Variants in SLC8A2 observed in about 807,000 individuals in gnomAD.
SLC8A2 encodes sodium/calcium exchanger 2.
In SLC8A2, 14 loss-of-function variants were observed where a neutral mutation model predicts 70.2. The observed-to-expected ratio is 0.20, with a 90% CI of 0.13 to 0.31. SLC8A2 has a LOEUF of 0.31. Ranked by LOEUF, SLC8A2 falls within the 10% of genes least tolerant of loss-of-function variation. The pLI is 1.00. For missense variants in SLC8A2, 779 were observed against 1,320.1 expected (o/e 0.59, Z 6.35); for synonymous variants, 575 against 594.3 (o/e 0.97, Z 0.47).
At position 47,468,566 on chromosome 19, in the gene SLC8A2, G is replaced by A. The variant is rs1171052458; in HGVS notation, c.-16-2147C>T. Among the ~76,000 whole-genome samples, 1 of 152,082 alleles carries A rather than the reference G, an allele frequency of 6.6e-6. No homozygotes were observed. Among genetic ancestry groups the A allele is most frequent in the Non-Finnish European group, 1.5e-5 (1 of 67,996 alleles). ...GCCTCCCAAAGTGCTGGGATCACAG[G>A]TGCGTGCCACCGTGCCCCGCCCACT... On this transcript the variant is annotated intron_variant, in intron 1 of 9. Transcript: ENST00000236877. This position sits in a 1 kb window ranked among gnomAD's most constrained non-coding sequence, Gnocchi z 5.1.
rs781158765 is a variant in SLC8A2 at position 47,432,051 on chromosome 19, G to C, written c.2389+116C>G. 1.0e-6 allele frequency: 1 copy of C among 995,134 alleles called. No homozygotes were observed. The highest frequency in any genetic ancestry group is 2.7e-5 in the East Asian group (1 of 37,124). The allele number at this position is 995,134 out of a possible 1,614,324, so 61.6% of individuals were successfully genotyped here. Reference sequence around the variant, plus strand: ...TTATGCCCCACCTCCGTATTTCTCTGAGACCCACCACATGGGCGCTGTGTG... The same window carrying C: ...TTATGCCCCACCTCCGTATTTCTCTCAGACCCACCACATGGGCGCTGTGTG... On this transcript the variant is annotated intron_variant, in intron 9 of 9. Transcript: ENST00000236877. This position sits in a 1 kb window ranked among gnomAD's most constrained non-coding sequence, Gnocchi z 6.2.
At chr19:47,455,826 T>A (rs1359177816) in intron 3 of SLC8A2, among the ~76,000 whole-genome samples, 1 of 152,120 alleles carries the variant, frequency 6.6e-6, no homozygotes, top group Non-Finnish European at 1.5e-5. Flanking sequence ...AACTGTTGAA[T>A]GAGAGAATAT....
In SLC8A2 at chr19:47,430,257, G is replaced by A. The variant is rs1194511568; in HGVS notation, c.2598C>T (p.Ala866=). 10 of 1,612,392 alleles carry A rather than the reference G, an allele frequency of 6.2e-6. No individual in the cohort carries two copies. In the Admixed American group the frequency reaches 1.0e-4, roughly 16 times the overall value. The change falls in exon 10 of 10, where the codon GCC becomes GCT. Residue 866 remains alanine (A), a synonymous_variant. Coordinates refer to ENST00000236877, the MANE Select transcript of SLC8A2 (RefSeq NM_015063.3). This position sits in a 1 kb window ranked among gnomAD's most constrained non-coding sequence, Gnocchi z 5.9. ...AFSVTLFTVF[A]FVGIAVLLYR... is the part of the protein sequence containing the mutation. ...ACAGCAGCACGGCAATGCCCACGAA[G>A]GCGAAGACGGTGAAGAGCGTGACGG...
Position 47,447,604 on chromosome 19 carries a change from G to A in SLC8A2, c.1763+205C>T. 3.5e-6 allele frequency: 2 copies of A among 571,326 alleles called. No individual in the cohort carries two copies. Among genetic ancestry groups the A allele is most frequent in the Non-Finnish European group, 6.0e-6 (2 of 332,746 alleles). 35.4% of individuals were successfully genotyped at this position (571,326 alleles called of 1,614,324 possible). The stretch of plus-strand genomic sequence containing the variant: ...CTCCTCCTGAGGGCCCAGCTGTTCA[G>A]TGAAGCCCCGCCCACGTCGTGGGCA... On this transcript the variant is annotated intron_variant, in intron 4 of 9. Coordinates refer to ENST00000236877, the MANE Select transcript of SLC8A2 (RefSeq NM_015063.3). The surrounding 1 kb of genome is among the most constrained non-coding windows in gnomAD (Gnocchi z 5.1).
At chr19:47,459,725 GTC>G (rs764105087) in intron 2 of SLC8A2, among the ~76,000 whole-genome samples, 3 of 146,552 alleles carry the variant, frequency 2.0e-5, no homozygotes, top group African/African-American at 7.7e-5. Flanking sequence ...ATGTGTGTAC[GTC>G]TGTGTGTGTA....
At chr19:47,452,515 A>C (rs141090892) in intron 3 of SLC8A2, among the ~76,000 whole-genome samples, 3,017 of 106,138 alleles carry the variant, frequency 0.028, 122 homozygotes, top group African/African-American at 0.099. Flanking sequence ...CCAGGCTGGA[A>C]TGCAGTGGCG....
In SLC8A2 at chr19:47,447,869, C is replaced by CCGCG; in HGVS notation, c.1699_1702dup (p.Gly568AlafsTer31). 1 of 1,594,318 alleles carries CCGCG rather than the reference C, an allele frequency of 6.3e-7. No individual in the cohort carries two copies. The highest frequency in any genetic ancestry group is 8.5e-7 in the Non-Finnish European group (1 of 1,174,468). On this transcript the variant is annotated frameshift_variant, in exon 4 of 10. Coordinates refer to ENST00000236877, the MANE Select transcript of SLC8A2 (RefSeq NM_015063.3). LOFTEE classifies it high-confidence loss of function. This position sits in a 1 kb window ranked among gnomAD's most constrained non-coding sequence, Gnocchi z 5.1. ...CGCGTCCTCGTAGTGCACGCCGCCG[C>CCGCG]CGCGCGCCGTGCCGTCCACCGTGCG...
chr19:47,431,409 G>C (rs1354596673), intron 9 of SLC8A2, among the ~76,000 whole-genome samples: 1 of 151,894 alleles, frequency 6.6e-6, no homozygotes, highest in Non-Finnish European at 1.5e-5. Context: ...CCAGCACTTT[G>C]GGAGGCAGAG....
At chr19:47,446,374 A>G (rs1029225810) in intron 4 of SLC8A2, among the ~76,000 whole-genome samples, 8 of 152,158 alleles carry the variant, frequency 5.3e-5, no homozygotes, top group African/African-American at 7.2e-5. Context: ...GGGCGTGAGA[A>G]CAGCCCTGAC....
In SLC8A2 at chr19:47,468,705, C is replaced by T. The variant is rs1311149160; in HGVS notation, c.-16-2286G>A. 6.6e-6 allele frequency among the ~76,000 whole-genome samples: 1 copy of T among 152,170 alleles called. No individual in the cohort carries two copies. The highest frequency in any genetic ancestry group is 1.5e-5 in the Non-Finnish European group (1 of 68,036). On this transcript the variant is annotated intron_variant, in intron 1 of 9. Transcript: ENST00000236877. The surrounding 1 kb of genome is among the most constrained non-coding windows in gnomAD (Gnocchi z 5.1). ...ACACCCTCCCCCTCTGGGGAGCACC[C>T]CTCCATTCCACAGGTGAGAGGACCA...
At position 47,465,269 on chromosome 19, in the gene SLC8A2, C is replaced by A. The variant is rs764732129; in HGVS notation, c.675+460G>T. On this transcript the variant is annotated intron_variant, in intron 2 of 9. Transcript: ENST00000236877. The surrounding 1 kb of genome is among the most constrained non-coding windows in gnomAD (Gnocchi z 5.5). ...ATATGCAAGGGTAGTATGAATTATG[C>A]GAATGGAGGATGTCTTATTGCAAAA... is the stretch of plus-strand genomic sequence containing the variant. Among the ~76,000 whole-genome samples the A allele has an allele frequency of 2.6e-5, 4 of 152,006 alleles. No homozygotes were observed. The highest frequency in any genetic ancestry group is 7.2e-5 in the African/African-American group (3 of 41,390).
intron 8 of SLC8A2, among the ~76,000 whole-genome samples, chr19:47,433,209 C>T (rs1966986008): frequency 1.3e-5 from 2 of 152,116 alleles, no homozygotes; most frequent in Non-Finnish European, 1.5e-5. Flanking sequence ...AAAGCCAGTC[C>T]ACAGCTAGAA....
At position 47,457,339 on chromosome 19, in the gene SLC8A2, T is replaced by C. The variant is rs916161759; in HGVS notation, c.931A>G (p.Ser311Gly). The C allele has an allele frequency of 2.0e-5, 31 of 1,542,168 alleles. No individual in the cohort carries two copies. The highest frequency in any genetic ancestry group is 2.4e-5 in the Non-Finnish European group (28 of 1,144,172). ...AGGATCTGGATGACCTCGCGGCGGC[T>C]GGCGTCCAGCTCGCGCGCCTCGGCG... ...GPAEARELDA[S>G]RREVIQILKD... Residue 311 changes from serine to glycine, a missense_variant, in exon 3 of 10, where the codon AGC becomes GGC. Ser to Gly is a moderately conservative substitution (Grantham distance 56). Transcript: ENST00000236877.
intron 3 of SLC8A2, among the ~76,000 whole-genome samples, chr19:47,455,237 C>T (rs1967291305): frequency 6.6e-6 from 1 of 152,102 alleles, no homozygotes; most frequent in African/African-American, 2.4e-5. Context: ...TGCTTGATGG[C>T]AGAACCAAAG....
intron 8 of SLC8A2, among the ~76,000 whole-genome samples, chr19:47,435,191 C>G (rs1484029125): frequency 6.6e-6 from 1 of 151,932 alleles, no homozygotes; most frequent in Admixed American, 6.6e-5. Context: ...ACACTCCAGC[C>G]TGGATGACAG....
At chr19:47,455,085 GA>G (rs1467407736) in intron 3 of SLC8A2, among the ~76,000 whole-genome samples, 1 of 152,030 alleles carries the variant, frequency 6.6e-6, no homozygotes. Context: ...GAAACTCTGA[GA>G]AAAAGAAGAA....
At chr19:47,457,934 T>G (rs2122644186) in intron 2 of SLC8A2, among the ~76,000 whole-genome samples, 1 of 151,794 alleles carries the variant, frequency 6.6e-6, no homozygotes, top group African/African-American at 2.4e-5. Flanking sequence ...AACCTTGGCC[T>G]CCCGGGTCCC....
In SLC8A2 at chr19:47,437,971, C is replaced by A; in HGVS notation, c.1888G>T (p.Asp630Tyr). 2.5e-6 allele frequency: 4 copies of A among 1,614,104 alleles called. No individual in the cohort carries two copies. Among genetic ancestry groups the A allele is most frequent in the Non-Finnish European group, 3.4e-6 (4 of 1,180,030 alleles). ...TCGGCTGTTAGCTTCCTGTCCCCAT[C>A]CCCTGCAGCATGAGGGGTGGGGGTT... ...GISALLLNQG[D>Y]GDRKLTAEEE... The change falls in exon 7 of 10, where the codon GAT (aspartate) becomes TAT (tyrosine). Residue 630 changes from aspartate (D) to tyrosine (Y), a missense_variant and splice_region_variant. By Grantham distance (160) the Asp-to-Tyr change is radical. Around this residue, in one of 6 missense-constraint regions of SLC8A2, gnomAD observed 247 missense variants for 362.8 expected, o/e 0.68. Coordinates refer to ENST00000236877, the MANE Select transcript of SLC8A2 (RefSeq NM_015063.3).
intron 8 of SLC8A2, among the ~76,000 whole-genome samples, chr19:47,436,881 C>T (rs1568440109): frequency 6.6e-6 from 1 of 152,142 alleles, no homozygotes; most frequent in South Asian, 2.1e-4. Flanking sequence ...GCTCGGTGCC[C>T]TGGTGACTGT....
Sources: gnomAD v4.1 joint callset for allele counts (sites outside exome capture counted in the v4.1 genomes callset) on GRCh38, gnomAD v4.1.1 for gene constraint, gnomAD v4.1.1 regional missense constraint, Gnocchi (gnomAD v3.1) non-coding constraint, MANE v1.5 for transcripts, NCBI Gene and HGNC (gene_info 2026-07-23, HGNC 2026-07-21) for gene names.